Variants in CFAP299 observed in about 807,000 individuals in gnomAD.
CFAP299 encodes cilia and flagella associated protein 299.
Under a neutral mutation model 27.0 loss-of-function variants are expected in CFAP299, and 21 were observed. The observed-to-expected ratio is 0.78, with a 90% CI of 0.55 to 1.12. The LOEUF (loss-of-function observed/expected upper bound fraction) is 1.12, where lower values mean the gene tolerates loss of function less well. CFAP299 is among the 50% of genes most tolerant of loss of function. The pLI is 0.00. For synonymous variants in CFAP299, 104 were observed against 98.1 expected (o/e 1.06, Z -0.36); for missense variants, 310 against 276.6 (o/e 1.12, Z -0.86).
chr4:80,354,381 G>A (rs761414837), intron 1 of CFAP299, among the ~76,000 whole-genome samples: 4 of 152,030 alleles, frequency 2.6e-5, no homozygotes, highest in African/African-American at 9.7e-5. Flanking sequence ...TGAAGAAGTA[G>A]GTCATGAGAG....
At chr4:80,512,532 A>G (rs996623872) in intron 2 of CFAP299, among the ~76,000 whole-genome samples, 3 of 152,030 alleles carry the variant, frequency 2.0e-5, no homozygotes, top group Admixed American at 2.0e-4. Flanking sequence ...TAAGCTATAT[A>G]ATAGGTGTGA....
At position 80,400,289 on chromosome 4, in the gene CFAP299, G is replaced by T. The variant is rs186999791; in HGVS notation, c.242+37405G>T. On this transcript the variant is annotated intron_variant, in intron 2 of 5. Coordinates refer to ENST00000358105, the MANE Select transcript of CFAP299 (RefSeq NM_152770.3). ...GTTTAGATGTTTTAACTTGTTTAAC[G>T]CTCACAACTATCTTGATAGACATGA... is the stretch of plus-strand genomic sequence containing the variant. 2.0e-5 allele frequency among the ~76,000 whole-genome samples: 3 copies of T among 151,934 alleles called. No individual in the cohort carries two copies. The East Asian group carries it at 5.8e-4, about 29-fold the overall frequency.
At chr4:80,514,437 C>T (rs575039288) in intron 2 of CFAP299, among the ~76,000 whole-genome samples, 3 of 152,012 alleles carry the variant, frequency 2.0e-5, no homozygotes, top group East Asian at 3.9e-4. Context: ...CCAAAAAACG[C>T]GTATATCTTA....
At chr4:80,564,074 T>C (rs1392929673) in intron 2 of CFAP299, among the ~76,000 whole-genome samples, 4 of 152,042 alleles carry the variant, frequency 2.6e-5, no homozygotes, top group Non-Finnish European at 5.9e-5. Flanking sequence ...TGGGACCTGA[T>C]GGCTTCACTG....
intron 2 of CFAP299, among the ~76,000 whole-genome samples, chr4:80,429,411 T>G (rs1228070495): frequency 6.6e-6 from 1 of 152,184 alleles, no homozygotes; most frequent in Non-Finnish European, 1.5e-5. Flanking sequence ...AAAATCTAAT[T>G]AGGAACTTTC....
At chr4:80,584,361 A>C (rs547699732) in intron 3 of CFAP299, among the ~76,000 whole-genome samples, 1 of 152,184 alleles carries the variant, frequency 6.6e-6, no homozygotes, top group South Asian at 2.1e-4. Flanking sequence ...TGCTTTAATG[A>C]AGATGTACAT....
intron 3 of CFAP299, among the ~76,000 whole-genome samples, chr4:80,772,757 C>T (rs1257797075): frequency 2.0e-5 from 3 of 152,088 alleles, no homozygotes; most frequent in Admixed American, 1.3e-4. Context: ...TATTCCCCTC[C>T]CTGTGTCCAT....
chr4:80,777,161 A>G (rs1726593055), intron 3 of CFAP299, among the ~76,000 whole-genome samples: 1 of 152,104 alleles, frequency 6.6e-6, no homozygotes, highest in Admixed American at 6.6e-5. Context: ...AATTTCCCCT[A>G]TTCTGCACAT....
chr4:80,953,774 TA>T (rs1737908120), intron 5 of CFAP299, among the ~76,000 whole-genome samples: 1 of 152,140 alleles, frequency 6.6e-6, no homozygotes, highest in Non-Finnish European at 1.5e-5. Context: ...TGTATATACA[TA>T]AATATATATG....
intron 5 of CFAP299, among the ~76,000 whole-genome samples, chr4:80,961,073 C>A (rs908818071): frequency 6.6e-6 from 1 of 150,776 alleles, no homozygotes; most frequent in African/African-American, 2.4e-5. Context: ...ATCTTGGGAC[C>A]TATATTCAAG....
intron 3 of CFAP299, among the ~76,000 whole-genome samples, chr4:80,865,162 A>G (rs555255854): frequency 6.6e-6 from 1 of 152,328 alleles, no homozygotes; most frequent in African/African-American, 2.4e-5. Context: ...AGCCATAATA[A>G]AATGTTTGAA....
intron 2 of CFAP299, among the ~76,000 whole-genome samples, chr4:80,393,446 CTG>C (rs1186128183): frequency 6.6e-6 from 1 of 152,192 alleles, no homozygotes; most frequent in Non-Finnish European, 1.5e-5. Flanking sequence ...CACTGACTCA[CTG>C]ACTCACTGAC....
intron 2 of CFAP299, among the ~76,000 whole-genome samples, chr4:80,575,553 G>T (rs750023551): frequency 2.6e-5 from 4 of 150,994 alleles, no homozygotes; most frequent in African/African-American, 7.3e-5. Context: ...TTCGCAGTCT[G>T]GCTAGAGGTT....
At chr4:80,694,145 G>A (rs539069898) in intron 3 of CFAP299, among the ~76,000 whole-genome samples, 1 of 152,278 alleles carries the variant, frequency 6.6e-6, no homozygotes, top group South Asian at 2.1e-4. Flanking sequence ...CATGTGCAGT[G>A]CATTCTTTGG....
chr4:80,948,924 G>T (rs939789206), intron 5 of CFAP299, among the ~76,000 whole-genome samples: 1 of 152,048 alleles, frequency 6.6e-6, no homozygotes, highest in African/African-American at 2.4e-5. Context: ...GCAGAAATGG[G>T]TATAGTCATT....
chr4:80,454,010 G>A (rs1285865694), intron 2 of CFAP299, among the ~76,000 whole-genome samples: 5 of 152,052 alleles, frequency 3.3e-5, no homozygotes, highest in Non-Finnish European at 5.9e-5. Context: ...GTGTTGTTAT[G>A]TCCTTTACCA....
At position 80,800,136 on chromosome 4, in the gene CFAP299, T is replaced by TATATAAATATATTTATATAATATATA. The variant is rs1282504475; in HGVS notation, c.334-69853_334-69828dup. Among the ~76,000 whole-genome samples the TATATAAATATATTTATATAATATATA allele has an allele frequency of 2.5e-3, 156 of 62,138 alleles. 3 individuals carry two copies. The highest frequency in any genetic ancestry group is 0.011 in the African/African-American group (146 of 13,214). The allele number at this position is 62,138 out of a possible 152,430, so 40.8% of individuals were successfully genotyped here. On this transcript the variant is annotated intron_variant, in intron 3 of 5. Coordinates refer to ENST00000358105, the MANE Select transcript of CFAP299 (RefSeq NM_152770.3). The stretch of plus-strand genomic sequence containing the variant: ...ATATAAGATATTAATATAAATATAT[T>TATATAAATATATTTATATAATATATA]ATATAAATATATTTATATAATATAT...
intron 2 of CFAP299, among the ~76,000 whole-genome samples, chr4:80,366,368 A>G (rs569407972): frequency 6.6e-6 from 1 of 152,318 alleles, no homozygotes; most frequent in South Asian, 2.1e-4. Flanking sequence ...TACTCACAAT[A>G]GCTTCACAGG....
intron 4 of CFAP299, among the ~76,000 whole-genome samples, chr4:80,878,108 T>C (rs1733512960): frequency 6.6e-6 from 1 of 152,164 alleles, no homozygotes; most frequent in South Asian, 2.1e-4. Context: ...AAATGTATTA[T>C]AGCTACTTGT....
Sources: gnomAD v4.1 joint callset for allele counts (sites outside exome capture counted in the v4.1 genomes callset) on GRCh38, gnomAD v4.1.1 for gene constraint, MANE v1.5 for transcripts, NCBI Gene and HGNC (gene_info 2026-07-23, HGNC 2026-07-21) for gene names.